Variants in SGO2 observed in about 807,000 individuals in gnomAD.
SGO2 encodes the protein shugoshin-like 2.
Under a neutral mutation model 99.5 loss-of-function variants are expected in SGO2, and 68 were observed. The ratio of observed to expected loss-of-function variants is 0.68; its 90% CI spans 0.56 to 0.84. The LOEUF is 0.84. Among genes scored for constraint, SGO2 ranks in the 40% least tolerant of loss-of-function variants. SGO2 has a pLI of 0.00. For missense variants in SGO2, 1,350 were observed against 1,436.7 expected (o/e 0.94, Z 0.97); for synonymous variants, 457 against 487.1 (o/e 0.94, Z 0.81).
chr2:200,548,234 A>T (rs1216195498), intron 5 of SGO2, among the ~76,000 whole-genome samples: 4 of 151,848 alleles, frequency 2.6e-5, no homozygotes, highest in Admixed American at 6.6e-5. Context: ...TTAGGCACAA[A>T]CAAATCTGTA....
At chr2:200,528,456 T>C (rs1213652112) in intron 1 of SGO2, among the ~76,000 whole-genome samples, 3 of 152,180 alleles carry the variant, frequency 2.0e-5, no homozygotes, top group Non-Finnish European at 2.9e-5. Context: ...AGATGTGGGA[T>C]ATGAAAGGAA....
rs2031077217 is a variant in SGO2 at position 200,526,240 on chromosome 2, C to G, written c.-15C>G. Reference sequence around the variant, plus strand: ...CCCGGAGCTGGGTGGGGGTGCCCCACGCTGAAAGAGAGGTAAGTTAGTGGC... The same window carrying G: ...CCCGGAGCTGGGTGGGGGTGCCCCAGGCTGAAAGAGAGGTAAGTTAGTGGC... On this transcript the variant is annotated 5_prime_UTR_variant, in exon 1 of 9. Transcript: ENST00000357799. This position sits in a 1 kb window ranked among gnomAD's most constrained non-coding sequence, Gnocchi z 4.8. The G allele has an allele frequency of 6.6e-6, 1 of 152,380 alleles. No individual in the cohort carries two copies. The highest frequency in any genetic ancestry group is 2.4e-5 in the African/African-American group (1 of 41,478). The allele number at this position is 152,380 out of a possible 1,614,324, so 9.4% of individuals were successfully genotyped here.
intron 3 of SGO2, among the ~76,000 whole-genome samples, chr2:200,535,618 G>C (rs1278292926): frequency 6.6e-6 from 1 of 152,058 alleles, no homozygotes; most frequent in Admixed American, 6.6e-5. Flanking sequence ...TTCACAGACA[G>C]GACAGTGAGA....
intron 4 of SGO2, among the ~76,000 whole-genome samples, chr2:200,537,414 T>C (rs149143471): frequency 1.3e-5 from 2 of 152,308 alleles, no homozygotes; most frequent in East Asian, 3.9e-4. Context: ...TAGTTTCTCT[T>C]GATCCCAAGC....
intron 5 of SGO2, among the ~76,000 whole-genome samples, chr2:200,565,994 T>C (rs544774776): frequency 5.3e-5 from 8 of 152,206 alleles, no homozygotes; most frequent in Non-Finnish European, 1.2e-4. Context: ...TTAGCTTCTT[T>C]GCGATGGGTT....
intron 5 of SGO2, among the ~76,000 whole-genome samples, chr2:200,551,043 A>G (rs2032463362): frequency 6.6e-6 from 1 of 152,112 alleles, no homozygotes; most frequent in Non-Finnish European, 1.5e-5. Flanking sequence ...ATGTAAATTA[A>G]CATAGCCACT....
In SGO2 at chr2:200,571,418, A is replaced by T; in HGVS notation, c.1072A>T (p.Lys358Ter). ...IEDNDDFQLQKTVYDADMDLT... is the reference protein window; with the variant it reads ...IEDNDDFQLQ The stretch of plus-strand genomic sequence containing the variant: ...GGATAATGATGACTTTCAATTGCAG[A>T]AAACTGTGTATGATGCTGACATGGA... The change falls in exon 7 of 9, where the codon AAA (lysine) becomes TAA (stop). Residue 358 changes from lysine (K) to a stop codon, truncating the protein, a stop_gained. Transcript: ENST00000357799. LOFTEE classifies it high-confidence loss of function. The T allele has an allele frequency of 6.2e-7, 1 of 1,609,744 alleles. No homozygotes were observed. The highest frequency in any genetic ancestry group is 8.5e-7 in the Non-Finnish European group (1 of 1,176,886).
chr2:200,544,697 A>ATCTATCTG (rs1553558898), intron 5 of SGO2, among the ~76,000 whole-genome samples: 2 of 111,384 alleles, frequency 1.8e-5, no homozygotes, highest in Non-Finnish European at 4.0e-5. Flanking sequence ...TGGGAGATCT[A>ATCTATCTG]TCTATCTATC....
chr2:200,571,176 G>T lies in SGO2; in HGVS notation c.830G>T (p.Gly277Val). Residue 277 changes from glycine to valine, a missense_variant, in exon 7 of 9, where the codon GGG (glycine) becomes GTG (valine). Transcript: ENST00000357799. ...PSNVTERKKRGSSWESNNLSA... is the reference protein window; with the variant it reads ...PSNVTERKKRVSSWESNNLSA... ...AATGTGACTGAAAGGAAGAAGCGTG[G>T]GTCATCTTGGGAATCAAATAATCTT... is the stretch of plus-strand genomic sequence containing the variant. 6.2e-7 allele frequency: 1 copy of T among 1,613,566 alleles called. No homozygotes were observed. Among genetic ancestry groups the T allele is most frequent in the Non-Finnish European group, 8.5e-7 (1 of 1,179,644 alleles).
At chr2:200,564,956 G>T (rs1056119840) in intron 5 of SGO2, among the ~76,000 whole-genome samples, 4 of 152,028 alleles carry the variant, frequency 2.6e-5, no homozygotes, top group South Asian at 4.2e-4. Context: ...TATGTGTGTC[G>T]CTGCACATGA....
chr2:200,580,219 G>A (rs1380081531), intron 8 of SGO2, among the ~76,000 whole-genome samples: 1 of 152,090 alleles, frequency 6.6e-6, no homozygotes, highest in Non-Finnish European at 1.5e-5. Context: ...ATAAAAGTCT[G>A]CAAAGTATCT....
intron 1 of SGO2, 26 bp from the exon 2 acceptor site, chr2:200,532,948 T>C: frequency 6.3e-7 from 1 of 1,595,902 alleles, no homozygotes; most frequent in South Asian, 1.1e-5. Flanking sequence ...TAATCAATAC[T>C]ATGATTTTTT....
intron 5 of SGO2, among the ~76,000 whole-genome samples, chr2:200,554,667 T>C (rs1364637942): frequency 2.0e-5 from 3 of 152,206 alleles, no homozygotes; most frequent in Admixed American, 6.5e-5. Context: ...TACAGGAATT[T>C]TGCATAATTT....
chr2:200,542,704 G>A, intron 5 of SGO2, 40 bp downstream of exon 5: 1 of 1,500,864 alleles, frequency 6.7e-7, no homozygotes, highest in Non-Finnish European at 9.2e-7. Flanking sequence ...AGAGTATATA[G>A]ATTTTATATA....
At position 200,570,251 on chromosome 2, in the gene SGO2, C is replaced by T. The variant is rs1023950120; in HGVS notation, c.703+359C>T. ...TTGGGGGCCTAGATAGGTATAGAGA[C>T]TCTTTGAAGATCATCACCAGTTAAT... is the stretch of plus-strand genomic sequence containing the variant. On this transcript the variant is annotated intron_variant, in intron 6 of 8. Transcript: ENST00000357799. The surrounding 1 kb of genome is among the most constrained non-coding windows in gnomAD (Gnocchi z 4.4). 1.3e-5 allele frequency: 3 copies of T among 234,052 alleles called. No homozygotes were observed. Among genetic ancestry groups the T allele is most frequent in the Non-Finnish European group, 2.4e-5 (3 of 122,692 alleles). The allele number at this position is 234,052 out of a possible 1,614,324, so 14.5% of individuals were successfully genotyped here. A position where few individuals can be genotyped will look rare whatever the true frequency, so the allele number is the denominator to read the frequency against.
chr2:200,563,803 A>C (rs2033074054), intron 5 of SGO2, among the ~76,000 whole-genome samples: 1 of 152,202 alleles, frequency 6.6e-6, no homozygotes, highest in Admixed American at 6.5e-5. Context: ...GTATGTGTCC[A>C]GGAATTTATC....
intron 5 of SGO2, among the ~76,000 whole-genome samples, chr2:200,557,356 A>G (rs1438301785): frequency 6.6e-6 from 1 of 152,034 alleles, no homozygotes; most frequent in African/African-American, 2.4e-5. Context: ...CTCTAACCCA[A>G]TCCCATCCTT....
intron 8 of SGO2, among the ~76,000 whole-genome samples, chr2:200,580,096 G>A (rs148253632): frequency 1.3e-5 from 2 of 152,008 alleles, no homozygotes; most frequent in African/African-American, 4.8e-5. Flanking sequence ...ACTGTTTTTT[G>A]TGTGTATGAA....
At chr2:200,537,293 A>G (rs1201550996) in intron 4 of SGO2, among the ~76,000 whole-genome samples, 1 of 152,072 alleles carries the variant, frequency 6.6e-6, no homozygotes, top group Non-Finnish European at 1.5e-5. Context: ...ATCATCTCTC[A>G]TCTTAAAAAA....
Sources: gnomAD v4.1 joint callset for allele counts (sites outside exome capture counted in the v4.1 genomes callset) on GRCh38, gnomAD v4.1.1 for gene constraint, Gnocchi (gnomAD v3.1) non-coding constraint, MANE v1.5 for transcripts, NCBI Gene and HGNC (gene_info 2026-07-23, HGNC 2026-07-21) for gene names.